The following ITGA2B variants were observed in gnomAD, a reference collection of about 807,000 sequenced individuals.
ITGA2B encodes the protein integrin subunit alpha 2b.
Under a neutral mutation model 142.0 loss-of-function variants are expected in ITGA2B, and 91 were observed. The ratio of observed to expected loss-of-function variants is 0.64; its 90% CI spans 0.54 to 0.76. The LOEUF (loss-of-function observed/expected upper bound fraction) is 0.76. Among genes scored for constraint, ITGA2B ranks in the 30% least tolerant of loss-of-function variants. ITGA2B has a pLI of 0.00. For missense variants in ITGA2B, 1,231 were observed against 1,350.8 expected (o/e 0.91, Z 1.39); for synonymous variants, 536 against 567.2 (o/e 0.94, Z 0.78).
chr17:44,382,717 C>T (rs1482963695), intron 12 of ITGA2B, among the ~76,000 whole-genome samples: 2 of 151,968 alleles, frequency 1.3e-5, no homozygotes, highest in Admixed American at 1.3e-4. Context: ...TCTCCAGCCC[C>T]ACCTAATTGT....
rs756530680 is a variant in ITGA2B at position 44,378,347 on chromosome 17, G to A, written c.2094+15C>T. Reference sequence around the variant, plus strand: ...TCCCAGGTCCCGGGTACTGTTCCCAGGGTGGGGGCCATACCTCGACATTGC... The same window carrying A: ...TCCCAGGTCCCGGGTACTGTTCCCAAGGTGGGGGCCATACCTCGACATTGC... On this transcript the variant is annotated intron_variant, in intron 20 of 29. Coordinates refer to ENST00000262407, the MANE Select transcript of ITGA2B (RefSeq NM_000419.5). The A allele has an allele frequency of 1.0e-5, 16 of 1,606,434 alleles. No individual in the cohort carries two copies. Among genetic ancestry groups the A allele is most frequent in the Non-Finnish European group, 1.3e-5 (15 of 1,176,068 alleles).
chr17:44,384,910 A>G (rs2048630268), intron 7 of ITGA2B, 38 bp downstream of exon 7: 2 of 1,612,182 alleles, frequency 1.2e-6, no homozygotes, highest in African/African-American at 2.7e-5. Context: ...GTGGGCGGTG[A>G]CCCTCGGGGT....
In ITGA2B at chr17:44,377,384, C is replaced by T. The variant is rs112388845; in HGVS notation, c.2188-296G>A. ...GTAATTTTTGTATTTTTAGTAGAGA[C>T]GGGGTTTTGCTATGTTGGCCAGGCT... On this transcript the variant is annotated intron_variant, in intron 21 of 29. Transcript: ENST00000262407. Among the ~76,000 whole-genome samples, 231 of 151,798 alleles carry T rather than the reference C, an allele frequency of 1.5e-3. 1 individual carries two copies. Among genetic ancestry groups the T allele is most frequent in the African/African-American group, 5.2e-3 (217 of 41,418 alleles).
chr17:44,382,755 C>T (rs963343746), intron 12 of ITGA2B, among the ~76,000 whole-genome samples: 12 of 152,136 alleles, frequency 7.9e-5, no homozygotes, highest in Non-Finnish European at 1.0e-4. Flanking sequence ...GGAGCTGCAG[C>T]GCCCACTTCC....
intron 1 of ITGA2B, 104 bp from the exon 2 acceptor site, chr17:44,386,235 C>G: frequency 6.6e-7 from 1 of 1,504,940 alleles, no homozygotes; most frequent in Non-Finnish European, 8.9e-7. Flanking sequence ...CATGGGGGCA[C>G]TGGACCATCT....
Position 44,377,181 on chromosome 17 carries a change from TCAC to T in ITGA2B, c.2188-96_2188-94del. The T allele has an allele frequency of 5.7e-6, 5 of 870,188 alleles. No homozygotes were observed. The South Asian group carries it at 7.5e-5, about 13-fold the overall frequency. The allele number at this position is 870,188 out of a possible 1,614,324, so 53.9% of individuals were successfully genotyped here. On this transcript the variant is annotated intron_variant, in intron 21 of 29. Transcript: ENST00000262407. The stretch of plus-strand genomic sequence containing the variant: ...GGCCTCCAGTCTTCACCCTCCAAGA[TCAC>T]CACTATTCTTTTTCTTTTTTTTTTT...
chr17:44,375,707 C>G lies in ITGA2B; in HGVS notation c.2611G>C (p.Gly871Arg), dbSNP rs1021499516. 2 of 1,583,698 alleles carry G rather than the reference C, an allele frequency of 1.3e-6. No individual in the cohort carries two copies. The highest frequency in any genetic ancestry group is 2.7e-5 in the African/African-American group (2 of 74,702). ...PPVNPLKVDW[G>R]LPIPSPSPIH... is the part of the protein sequence containing the mutation. ...GGGGAGGGGCTGGGGATGGGCAGCC[C>G]CCAGTCCACCTGGGGGGGCAAAGGA... The change falls in exon 26 of 30, where the codon GGG becomes CGG. Residue 871 changes from glycine to arginine, a missense_variant. Around this residue, in one of 3 missense-constraint regions of ITGA2B, gnomAD observed 908 missense variants for 1,021.1 expected, o/e 0.89. Transcript: ENST00000262407.
At chr17:44,374,616 G>T in intron 28 of ITGA2B, 43 bp downstream of exon 28, 1 of 1,572,144 alleles carries the variant, frequency 6.4e-7, no homozygotes, top group South Asian at 1.1e-5. Flanking sequence ...GGGGGACAAT[G>T]GGTCCTGCAG....
chr17:44,389,158 AACCTGAATAGGCCCCACAAGTC>A, intron 1 of ITGA2B, 106 bp downstream of exon 1: 1 of 1,060,194 alleles, frequency 9.4e-7, no homozygotes, highest in Non-Finnish European at 1.4e-6. Flanking sequence ...ACAAGAAATC[AACCTGAATAGGCCCCACAAGTC>A]ACCTTGCTCA....
At position 44,375,713 on chromosome 17, in the gene ITGA2B, C is replaced by T. The variant is rs1177033796; in HGVS notation, c.2605G>A (p.Asp869Asn). Residue 869 changes from aspartate to asparagine, a missense_variant, in exon 26 of 30, where the codon GAC becomes AAC. Coordinates refer to ENST00000262407, the MANE Select transcript of ITGA2B (RefSeq NM_000419.5). ...GGGCTGGGGATGGGCAGCCCCCAGT[C>T]CACCTGGGGGGGCAAAGGAGTGGTC... Reference protein sequence around the residue: ...PQPPVNPLKVDWGLPIPSPSP... With the variant: ...PQPPVNPLKVNWGLPIPSPSP... 2.5e-6 allele frequency: 4 copies of T among 1,579,534 alleles called. No individual in the cohort carries two copies. The highest frequency in any genetic ancestry group is 1.3e-5 in the African/African-American group (1 of 74,498).
rs1247031972 is a variant in ITGA2B at position 44,385,159 on chromosome 17, C to A, written c.670+5G>T. The A allele has an allele frequency of 6.2e-7, 1 of 1,613,992 alleles. No homozygotes were observed. Among genetic ancestry groups the A allele is most frequent in the South Asian group, 1.1e-5 (1 of 91,076 alleles). ...AGGGAGGGAGGTGTACGGATGGGCA[C>A]GTACCTAAGAAATAATAGCCGCCAG... On this transcript the variant is annotated splice_donor_5th_base_variant and intron_variant, in intron 6 of 29. Coordinates refer to ENST00000262407, the MANE Select transcript of ITGA2B (RefSeq NM_000419.5).
At position 44,378,305 on chromosome 17, in the gene ITGA2B, G is replaced by A. The variant is rs547730616; in HGVS notation, c.2094+57C>T. The A allele has an allele frequency of 3.0e-5, 47 of 1,572,272 alleles. No individual in the cohort carries two copies. In the South Asian group the frequency reaches 5.2e-4, roughly 18 times the overall value. On this transcript the variant is annotated intron_variant, in intron 20 of 29. Coordinates refer to ENST00000262407, the MANE Select transcript of ITGA2B (RefSeq NM_000419.5). Reference sequence around the variant, plus strand: ...GACTCTCAGGGAGGGAGATGAGAGAGCCAAGGCTCCAGTGCCTCCCAGGTC... The same window carrying A: ...GACTCTCAGGGAGGGAGATGAGAGAACCAAGGCTCCAGTGCCTCCCAGGTC...
At position 44,378,706 on chromosome 17, in the gene ITGA2B, C is replaced by G; in HGVS notation, c.1883G>C (p.Arg628Pro). 1 of 1,555,888 alleles carries G rather than the reference C, an allele frequency of 6.4e-7. No homozygotes were observed. The highest frequency in any genetic ancestry group is 1.2e-5 in the South Asian group (1 of 84,308). Residue 628 changes from arginine (R) to proline (P), a missense_variant, in exon 19 of 30, where the codon CGA becomes CCA. Physicochemically the swap from Arg to Pro is moderately radical, Grantham distance 103 (BLOSUM62 -2). Around this residue, in one of 3 missense-constraint regions of ITGA2B, gnomAD observed 908 missense variants for 1,021.1 expected, o/e 0.89. Coordinates refer to ENST00000262407, the MANE Select transcript of ITGA2B (RefSeq NM_000419.5). ...HGDTHVQEQT[R>P]IVLDCGEDDV... ...ATCTTCCCCACAGTCCAGGACGATT[C>G]GTGTCTAGAGGGGCACATTGGGGTG...
chr17:44,383,034 A>C (rs1432508000), intron 12 of ITGA2B, among the ~76,000 whole-genome samples: 1 of 151,998 alleles, frequency 6.6e-6, no homozygotes, highest in Non-Finnish European at 1.5e-5. Flanking sequence ...TGTTCTTTGG[A>C]TATTTCCGCC....
rs991992589 is a variant in ITGA2B, at chr17:44,372,193, C to T, written c.*171G>A. The T allele has an allele frequency of 3.0e-6, 2 of 668,324 alleles. No homozygotes were observed. Among genetic ancestry groups the T allele is most frequent in the African/African-American group, 3.6e-5 (2 of 55,424 alleles). 41.4% of individuals were successfully genotyped at this position (668,324 alleles called of 1,614,324 possible). A position where few individuals can be genotyped will look rare whatever the true frequency, so the allele number is the denominator to read the frequency against. On this transcript the variant is annotated 3_prime_UTR_variant, in exon 30 of 30. Coordinates refer to ENST00000262407, the MANE Select transcript of ITGA2B (RefSeq NM_000419.5). ...AGCATGCTCAGCATCAGGGCTCAGT[C>T]TCTTTATTAGGCAGCAGGAGGGGGG...
intron 20 of ITGA2B, 84 bp from the exon 21 acceptor site, chr17:44,377,874 G>T: frequency 2.6e-6 from 2 of 771,968 alleles, no homozygotes; most frequent in Non-Finnish European, 2.1e-6. Flanking sequence ...GGAAAGATTT[G>T]TGTGCCAAGG....
At position 44,378,365 on chromosome 17, in the gene ITGA2B, G is replaced by A. The variant is rs368342858; in HGVS notation, c.2091C>T (p.Val697=). Residue 697 remains valine (V), a synonymous_variant, in exon 20 of 30, where the codon GTC becomes GTT. Transcript: ENST00000262407. ...GTTCCCAGGGTGGGGGCCATACCTC[G>A]ACATTGCTTAGGGCCCGCATGTAGT... ...GAHYMRALSN[V]EGFERLICNQ... The A allele has an allele frequency of 1.4e-5, 23 of 1,610,696 alleles. No homozygotes were observed. The highest frequency in any genetic ancestry group is 4.4e-5 in the South Asian group (4 of 90,736).
Position 44,384,064 on chromosome 17 carries a change from C to T in ITGA2B, c.945+21G>A, listed in dbSNP as rs892992576. 5 of 1,613,712 alleles carry T rather than the reference C, an allele frequency of 3.1e-6. No homozygotes were observed. In the African/African-American group the frequency reaches 5.3e-5, roughly 17 times the overall value. On this transcript the variant is annotated intron_variant, in intron 10 of 29. Transcript: ENST00000262407. ...CAGTTCCCCCTCCACCCAGCCACGC[C>T]CACTGGGACCTGGCCCCCACCTGCT...
intron 26 of ITGA2B, 155 bp from the exon 27 acceptor site, chr17:44,375,266 C>A: frequency 1.4e-6 from 1 of 708,856 alleles, no homozygotes; most frequent in South Asian, 1.6e-5. Context: ...GCTTCGGATG[C>A]TGTCTTTCCA....
Sources: gnomAD v4.1 joint callset for allele counts (sites outside exome capture counted in the v4.1 genomes callset) on GRCh38, gnomAD v4.1.1 for gene constraint, gnomAD v4.1.1 regional missense constraint, MANE v1.5 for transcripts, NCBI Gene and HGNC (gene_info 2026-07-23, HGNC 2026-07-21) for gene names.